The following ZNF462 variants were observed in gnomAD, a reference collection of about 807,000 sequenced individuals.
ZNF462 encodes zinc finger PBX1-interacting protein.
Under a neutral mutation model 201.9 loss-of-function variants are expected in ZNF462, and 10 were observed. The observed-to-expected ratio is 0.05, with a 90% CI of 0.03 to 0.08. ZNF462 has a LOEUF of 0.08. Among genes scored for constraint, ZNF462 ranks in the 10% least tolerant of loss-of-function variants. The pLI is 1.00. For synonymous variants in ZNF462, 1,227 were observed against 1,193.3 expected (o/e 1.03, Z -0.58); for missense variants, 2,523 against 3,168.3 (o/e 0.80, Z 4.89).
At chr9:106,867,944 C>A (rs1475826127) in intron 1 of ZNF462, among the ~76,000 whole-genome samples, 1 of 151,790 alleles carries the variant, frequency 6.6e-6, no homozygotes, top group Non-Finnish European at 1.5e-5. Flanking sequence ...GCCGCAGTCA[C>A]AAATAGGAGA....
intron 9 of ZNF462, chr9:106,979,134 T>C (rs1301160808): frequency 6.3e-6 from 1 of 157,946 alleles, no homozygotes; most frequent in Middle Eastern, 3.0e-3. Context: ...TTTCTTGTTC[T>C]CTACTGAGGT....
Position 106,972,108 on chromosome 9 carries a change from T to C in ZNF462, c.6531T>C (p.Ser2177=). The change falls in exon 8 of 13, where the codon TCT becomes TCC. Residue 2177 remains serine, a synonymous_variant. Transcript: ENST00000277225. This position sits in a 1 kb window ranked among gnomAD's most constrained non-coding sequence, Gnocchi z 4.8. The part of the protein sequence containing the change: ...NNSRVSPVPL[S]GAAAGTEQKT... ...GCCGTGTTAGCCCTGTGCCTCTTTC[T>C]GGGGCTGCTGCTGGCACTGAGCAGA... is the stretch of plus-strand genomic sequence containing the variant. The C allele has an allele frequency of 6.2e-7, 1 of 1,614,198 alleles. No individual in the cohort carries two copies. Among genetic ancestry groups the C allele is most frequent in the Non-Finnish European group, 8.5e-7 (1 of 1,180,026 alleles).
intron 7 of ZNF462, among the ~76,000 whole-genome samples, chr9:106,959,696 A>G (rs1831740929): frequency 6.6e-6 from 1 of 152,092 alleles, no homozygotes; most frequent in African/African-American, 2.4e-5. Context: ...CATCTATATA[A>G]TGGGAAGTAA....
rs1355779097 is a variant in ZNF462 at position 106,989,270 on chromosome 9, G to A, written c.7056+4861G>A. On this transcript the variant is annotated intron_variant, in intron 10 of 12. Coordinates refer to ENST00000277225, the MANE Select transcript of ZNF462 (RefSeq NM_021224.6). Reference sequence around the variant, plus strand: ...AAAGCAATCCTGGATATTGTCCAATGCTTTTTCTGCATCTATTGAGATGAG... The same window carrying A: ...AAAGCAATCCTGGATATTGTCCAATACTTTTTCTGCATCTATTGAGATGAG... 2.0e-5 allele frequency among the ~76,000 whole-genome samples: 3 copies of A among 152,084 alleles called. No individual in the cohort carries two copies. In the East Asian group the frequency reaches 5.8e-4, roughly 29 times the overall value.
At chr9:106,873,703 T>C (rs1827700832) in intron 1 of ZNF462, among the ~76,000 whole-genome samples, 1 of 152,200 alleles carries the variant, frequency 6.6e-6, no homozygotes, top group Non-Finnish European at 1.5e-5. Context: ...TTTGCCTGTC[T>C]CTGAAACATC....
At chr9:106,881,024 C>A (rs59104513) in intron 1 of ZNF462, among the ~76,000 whole-genome samples, 9,304 of 152,164 alleles carry the variant, frequency 0.061, 513 homozygotes, top group African/African-American at 0.15. Flanking sequence ...ATAGGATCAC[C>A]CATGGTGACC....
intron 1 of ZNF462, among the ~76,000 whole-genome samples, chr9:106,874,745 A>C (rs1827753586): frequency 6.6e-6 from 1 of 152,158 alleles, no homozygotes. Flanking sequence ...GCCTCCAATT[A>C]GCAATTTTGC....
chr9:106,961,583 G>A (rs77805197), intron 7 of ZNF462, among the ~76,000 whole-genome samples: 3,352 of 151,654 alleles, frequency 0.022, 134 homozygotes, highest in African/African-American at 0.076. Flanking sequence ...ACTTGCTTTA[G>A]GCCAGCCACT....
In ZNF462 at chr9:106,926,567, G is replaced by A; in HGVS notation, c.2655G>A (p.Val885=). Reference sequence around the variant, plus strand: ...TGGACCCCAATGATCACAGTGCAGTGTACAGGTGCCTGGAATGCTACATCG... The same window carrying A: ...TGGACCCCAATGATCACAGTGCAGTATACAGGTGCCTGGAATGCTACATCG... The part of the protein sequence containing the change: ...YILDPNDHSA[V]YRCLECYIDY... The change falls in exon 3 of 13, where the codon GTG becomes GTA. Residue 885 remains valine (V), a synonymous_variant. Coordinates refer to ENST00000277225, the MANE Select transcript of ZNF462 (RefSeq NM_021224.6). The surrounding 1 kb of genome is among the most constrained non-coding windows in gnomAD (Gnocchi z 7.9). The A allele has an allele frequency of 6.2e-7, 1 of 1,614,134 alleles. No individual in the cohort carries two copies. Among genetic ancestry groups the A allele is most frequent in the Non-Finnish European group, 8.5e-7 (1 of 1,180,032 alleles).
chr9:107,001,264 C>T (rs1406871501), intron 10 of ZNF462, among the ~76,000 whole-genome samples: 1 of 152,172 alleles, frequency 6.6e-6, no homozygotes, highest in African/African-American at 2.4e-5. Context: ...AAATATTTAT[C>T]ATGAATGCTA....
intron 6 of ZNF462, among the ~76,000 whole-genome samples, chr9:106,936,522 G>A (rs1035580875): frequency 6.6e-6 from 1 of 152,150 alleles, no homozygotes; most frequent in Non-Finnish European, 1.5e-5. Context: ...GATTACCCAG[G>A]TCTCCCAGTT....
At chr9:106,982,536 T>TA (rs1457129215) in intron 9 of ZNF462, among the ~76,000 whole-genome samples, 3 of 152,238 alleles carry the variant, frequency 2.0e-5, no homozygotes, top group African/African-American at 4.8e-5. Context: ...TTAGAGGACT[T>TA]AAACAGTTGC....
At chr9:106,911,142 A>T (rs1444547964) in intron 1 of ZNF462, among the ~76,000 whole-genome samples, 1 of 152,222 alleles carries the variant, frequency 6.6e-6, no homozygotes, top group African/African-American at 2.4e-5. Flanking sequence ...CACTTGAAGT[A>T]GCCACAGTCT....
intron 1 of ZNF462, among the ~76,000 whole-genome samples, chr9:106,866,267 A>G (rs1040419554): frequency 1.3e-5 from 2 of 152,220 alleles, no homozygotes; most frequent in Non-Finnish European, 2.9e-5. Context: ...AAAGTTCCTT[A>G]TGTCTAAAAT....
rs1453920456 is a variant in ZNF462 at position 106,933,771 on chromosome 9, A to G, written c.6116+1222A>G. On this transcript the variant is annotated intron_variant, in intron 5 of 12. Coordinates refer to ENST00000277225, the MANE Select transcript of ZNF462 (RefSeq NM_021224.6). The surrounding 1 kb of genome is among the most constrained non-coding windows in gnomAD (Gnocchi z 4.3). Reference sequence around the variant, plus strand: ...GGAAGAGTCAGGAAGGTTTTATGGCATAAGGAGCATTTGGGTGAAGTCTTA... The same window carrying G: ...GGAAGAGTCAGGAAGGTTTTATGGCGTAAGGAGCATTTGGGTGAAGTCTTA... Among the ~76,000 whole-genome samples, 4 of 152,200 alleles carry G rather than the reference A, an allele frequency of 2.6e-5. No individual in the cohort carries two copies. The highest frequency in any genetic ancestry group is 1.9e-4 in the East Asian group (1 of 5,200).
In ZNF462 at chr9:106,962,743, C is replaced by T. The variant is rs1027595530; in HGVS notation, c.6428-9262C>T. On this transcript the variant is annotated intron_variant, in intron 7 of 12. Coordinates refer to ENST00000277225, the MANE Select transcript of ZNF462 (RefSeq NM_021224.6). This position sits in a 1 kb window ranked among gnomAD's most constrained non-coding sequence, Gnocchi z 4.6. ...AGTGTGTGTTTCCTTCAAGTTTGGC[C>T]TCAACCTTATTTTCAGGATTAGGCG... Among the ~76,000 whole-genome samples, 1 of 151,954 alleles carries T rather than the reference C, an allele frequency of 6.6e-6. No homozygotes were observed. The highest frequency in any genetic ancestry group is 2.4e-5 in the African/African-American group (1 of 41,402).
intron 1 of ZNF462, among the ~76,000 whole-genome samples, chr9:106,899,239 T>TGGGGG (rs71384992): frequency 1.7e-5 from 1 of 57,502 alleles, no homozygotes; most frequent in Non-Finnish European, 3.8e-5. Context: ...TGTGTGTGTG[T>TGGGGG]GGGGGGGGGG....
In ZNF462 at chr9:106,930,438, A is replaced by G; in HGVS notation, c.5848-87A>G. The G allele has an allele frequency of 1.3e-6, 2 of 1,531,594 alleles. No homozygotes were observed. Among genetic ancestry groups the G allele is most frequent in the Non-Finnish European group, 1.8e-6 (2 of 1,129,486 alleles). The allele number at this position is 1,531,594 out of a possible 1,614,324, so 94.9% of individuals were successfully genotyped here. On this transcript the variant is annotated intron_variant, in intron 3 of 12. Coordinates refer to ENST00000277225, the MANE Select transcript of ZNF462 (RefSeq NM_021224.6). This position sits in a 1 kb window ranked among gnomAD's most constrained non-coding sequence, Gnocchi z 5.8. ...TTTTAACCTGCTAATCGGCTTTAAA[A>G]TAAAGTATGTTAGTAAACTGCAAGA... is the stretch of plus-strand genomic sequence containing the variant.
At chr9:106,893,119 G>A (rs1056798876) in intron 1 of ZNF462, among the ~76,000 whole-genome samples, 11 of 152,316 alleles carry the variant, frequency 7.2e-5, no homozygotes, top group Non-Finnish European at 1.3e-4. Flanking sequence ...TCAGACCATG[G>A]CTTTCAGTAT....
Sources: gnomAD v4.1 joint callset for allele counts (sites outside exome capture counted in the v4.1 genomes callset) on GRCh38, gnomAD v4.1.1 for gene constraint, Gnocchi (gnomAD v3.1) non-coding constraint, MANE v1.5 for transcripts, NCBI Gene and HGNC (gene_info 2026-07-23, HGNC 2026-07-21) for gene names.